CLSTN2: variants seen among roughly 807,000 people sequenced by gnomAD.
CLSTN2 encodes calsyntenin-2.
A neutral mutation model predicts 101.2 loss-of-function variants in CLSTN2; 48 were observed. The observed-to-expected ratio is 0.47, with a 90% CI of 0.38 to 0.60. The LOEUF (loss-of-function observed/expected upper bound fraction) is 0.60. Ranked by LOEUF, CLSTN2 falls within the 20% of genes least tolerant of loss-of-function variation. The pLI is 0.00. For missense variants in CLSTN2, 1,160 were observed against 1,238.2 expected (o/e 0.94, Z 0.95); for synonymous variants, 481 against 463.6 (o/e 1.04, Z -0.48).
intron 1 of CLSTN2, among the ~76,000 whole-genome samples, chr3:140,041,384 C>T (rs901522058): frequency 6.6e-6 from 1 of 152,076 alleles, no homozygotes; most frequent in Non-Finnish European, 1.5e-5. Flanking sequence ...CTGGGCAGAC[C>T]CTTGTCTCTC....
intron 2 of CLSTN2, among the ~76,000 whole-genome samples, chr3:140,193,600 T>A (rs1286440558): frequency 6.6e-6 from 1 of 152,072 alleles, no homozygotes; most frequent in Non-Finnish European, 1.5e-5. Flanking sequence ...TCAGTTTAAT[T>A]GTGATGTCTT....
chr3:140,049,974 G>T (rs1230552531), intron 1 of CLSTN2, among the ~76,000 whole-genome samples: 1 of 152,102 alleles, frequency 6.6e-6, no homozygotes, highest in African/African-American at 2.4e-5. Context: ...TCTTGCTTCT[G>T]GCTGGGTTTA....
chr3:140,116,389 C>A (rs980698428), intron 1 of CLSTN2, among the ~76,000 whole-genome samples: 37 of 152,254 alleles, frequency 2.4e-4, no homozygotes, highest in Admixed American at 2.0e-3. Context: ...AGGCTCTGAG[C>A]AGGAGGCTTG....
intron 8 of CLSTN2, among the ~76,000 whole-genome samples, chr3:140,513,516 T>TC: frequency 6.6e-6 from 1 of 152,222 alleles, no homozygotes; most frequent in East Asian, 1.9e-4. Flanking sequence ...CTGCCAGTAT[T>TC]TCGTTGATAA....
At chr3:140,124,292 C>T (rs189514065) in intron 1 of CLSTN2, among the ~76,000 whole-genome samples, 2 of 152,206 alleles carry the variant, frequency 1.3e-5, no homozygotes, top group South Asian at 2.1e-4. Flanking sequence ...CAAAGAAATC[C>T]TCCTAACAGC....
intron 1 of CLSTN2, among the ~76,000 whole-genome samples, chr3:139,996,701 G>A (rs745756270): frequency 1.5e-4 from 23 of 152,030 alleles, no homozygotes; most frequent in Non-Finnish European, 3.1e-4. Context: ...TGCTATCAAG[G>A]CTTAGCATTT....
chr3:140,059,328 A>C (rs1326257645), intron 1 of CLSTN2, among the ~76,000 whole-genome samples: 4 of 152,206 alleles, frequency 2.6e-5, no homozygotes, highest in African/African-American at 9.6e-5. Context: ...TGTTGTGTGC[A>C]CTGCTGCCCC....
Position 140,570,991 on chromosome 3 carries a change from CAAA to C in CLSTN2, c.*4740_*4742del, listed in dbSNP as rs1985522889. On this transcript the variant is annotated 3_prime_UTR_variant, in exon 17 of 17. Transcript: ENST00000458420. ...CGGGGGAAAACAAAAAAGAAACAAA[CAAA>C]ACACTTGTTATTTGCTGAACTGACA... 6.6e-6 allele frequency: 1 copy of C among 152,218 alleles called. No homozygotes were observed. Among genetic ancestry groups the C allele is most frequent in the Non-Finnish European group, 1.5e-5 (1 of 68,026 alleles). 9.4% of individuals were successfully genotyped at this position (152,218 alleles called of 1,614,324 possible). A position where few individuals can be genotyped will look rare whatever the true frequency, so the allele number is the denominator to read the frequency against.
At chr3:140,436,036 G>T (rs2088684528) in intron 5 of CLSTN2, among the ~76,000 whole-genome samples, 2 of 152,158 alleles carry the variant, frequency 1.3e-5, no homozygotes, top group Non-Finnish European at 2.9e-5. Flanking sequence ...TCTTCACTTT[G>T]TTGATTGTTT....
intron 1 of CLSTN2, among the ~76,000 whole-genome samples, chr3:139,995,416 G>A (rs1443086574): frequency 6.6e-6 from 1 of 152,174 alleles, no homozygotes; most frequent in Non-Finnish European, 1.5e-5. Flanking sequence ...TTGAGCTCAG[G>A]ACTTTCTCAA....
intron 5 of CLSTN2, among the ~76,000 whole-genome samples, chr3:140,426,932 T>C (rs1253429250): frequency 1.3e-5 from 2 of 152,034 alleles, no homozygotes; most frequent in Non-Finnish European, 2.9e-5. Flanking sequence ...CCTAGCACTT[T>C]GGGAGGCCGA....
At chr3:140,336,297 A>G (rs1169922027) in intron 2 of CLSTN2, among the ~76,000 whole-genome samples, 1 of 152,240 alleles carries the variant, frequency 6.6e-6, no homozygotes, top group Non-Finnish European at 1.5e-5. Flanking sequence ...CATTACACAC[A>G]GGTGGAAACC....
intron 1 of CLSTN2, among the ~76,000 whole-genome samples, chr3:140,087,124 T>A (rs565269964): frequency 6.6e-6 from 1 of 152,256 alleles, no homozygotes; most frequent in African/African-American, 2.4e-5. Flanking sequence ...TCATAGCTGA[T>A]ATAAGATTTG....
chr3:140,278,914 T>A (rs2107895082), intron 2 of CLSTN2, among the ~76,000 whole-genome samples: 1 of 152,090 alleles, frequency 6.6e-6, no homozygotes. Context: ...AGAGACAGGG[T>A]CTCACTATGT....
intron 1 of CLSTN2, among the ~76,000 whole-genome samples, chr3:140,151,620 A>T (rs1576446896): frequency 6.6e-6 from 1 of 152,194 alleles, no homozygotes; most frequent in East Asian, 1.9e-4. Context: ...GGAGGGTACG[A>T]CATGGGAAGA....
intron 2 of CLSTN2, among the ~76,000 whole-genome samples, chr3:140,271,434 G>T (rs2086741140): frequency 6.6e-6 from 1 of 152,166 alleles, no homozygotes; most frequent in Non-Finnish European, 1.5e-5. Context: ...AAATATTTCT[G>T]TTTGTAATGA....
intron 2 of CLSTN2, among the ~76,000 whole-genome samples, chr3:140,403,311 T>G (rs913153343): frequency 1.5e-4 from 23 of 152,122 alleles, no homozygotes; most frequent in African/African-American, 5.6e-4. Flanking sequence ...GGAATTTAGC[T>G]TCAGCAATTT....
Position 140,448,457 on chromosome 3 carries a change from G to A in CLSTN2, c.788-62G>A. 7 of 1,372,754 alleles carry A rather than the reference G, an allele frequency of 5.1e-6. No homozygotes were observed. The South Asian group carries it at 9.3e-5, about 18-fold the overall frequency. The allele number at this position is 1,372,754 out of a possible 1,614,324, so 85.0% of individuals were successfully genotyped here. On this transcript the variant is annotated intron_variant, in intron 5 of 16. Coordinates refer to ENST00000458420, the MANE Select transcript of CLSTN2 (RefSeq NM_022131.3). ...TTGGAACAAATTCACATTTCTAAAA[G>A]AAATGTTCCAGCAGAACTGACTGCA...
intron 9 of CLSTN2, among the ~76,000 whole-genome samples, chr3:140,541,165 G>A (rs1037631017): frequency 1.1e-4 from 16 of 152,134 alleles, no homozygotes; most frequent in African/African-American, 3.9e-4. Flanking sequence ...CCAAAGGCTT[G>A]GAAGCAAGCT....
Sources: gnomAD v4.1 joint callset for allele counts (sites outside exome capture counted in the v4.1 genomes callset) on GRCh38, gnomAD v4.1.1 for gene constraint, MANE v1.5 for transcripts, NCBI Gene and HGNC (gene_info 2026-07-23, HGNC 2026-07-21) for gene names.